Variants in MAGI2 observed in about 807,000 individuals in gnomAD.
The protein encoded by MAGI2 is membrane associated guanylate kinase, WW and PDZ domain containing 2.
In MAGI2, 35 loss-of-function variants were observed where a neutral mutation model predicts 133.3. The observed-to-expected ratio is 0.26, with a 90% CI of 0.20 to 0.35. MAGI2 has a LOEUF of 0.35. Ranked by LOEUF, MAGI2 falls within the 10% of genes least tolerant of loss-of-function variation. MAGI2 has a pLI of 1.00. For synonymous variants in MAGI2, 729 were observed against 710.6 expected, an observed-to-expected ratio of 1.03 and a Z score of -0.41; for missense variants, 1,636 against 1,863.4, an observed-to-expected ratio of 0.88 and a Z score of 2.25.
At chr7:79,072,988 G>C (rs1356997468) in intron 1 of MAGI2, among the ~76,000 whole-genome samples, 1 of 152,006 alleles carries the variant, frequency 6.6e-6, no homozygotes, top group Non-Finnish European at 1.5e-5. Context: ...GTATGCATTT[G>C]ACACAGATTT....
intron 2 of MAGI2, among the ~76,000 whole-genome samples, chr7:78,703,945 T>G (rs1335948658): frequency 6.6e-6 from 1 of 151,848 alleles, no homozygotes; most frequent in Non-Finnish European, 1.5e-5. Context: ...AAGGCTTAAA[T>G]GTAAAACCTG....
At chr7:78,283,935 C>A (rs1306423881) in intron 9 of MAGI2, among the ~76,000 whole-genome samples, 3 of 152,000 alleles carry the variant, frequency 2.0e-5, no homozygotes, top group African/African-American at 7.2e-5. Context: ...AAAAATATTA[C>A]CTTTTCTGCA....
At chr7:78,828,657 C>G (rs1024640674) in intron 2 of MAGI2, among the ~76,000 whole-genome samples, 12 of 152,036 alleles carry the variant, frequency 7.9e-5, no homozygotes, top group Admixed American at 3.3e-4. Context: ...GTTATTGTAT[C>G]AATATTCGTC....
At chr7:78,675,110 A>G (rs2151081846) in intron 2 of MAGI2, among the ~76,000 whole-genome samples, 1 of 152,276 alleles carries the variant, frequency 6.6e-6, no homozygotes, top group East Asian at 1.9e-4. Context: ...AGTTACATTC[A>G]GTATTGCTGG....
chr7:78,586,751 C>G (rs1033805810), intron 3 of MAGI2, among the ~76,000 whole-genome samples: 13 of 152,276 alleles, frequency 8.5e-5, no homozygotes, highest in Middle Eastern at 3.4e-3. Context: ...CCCTGCAGTC[C>G]TCACAACCAC....
At chr7:79,040,961 G>T (rs1375904972) in intron 1 of MAGI2, among the ~76,000 whole-genome samples, 1 of 152,104 alleles carries the variant, frequency 6.6e-6, no homozygotes, top group Non-Finnish European at 1.5e-5. Context: ...ATCAATAATA[G>T]ATTATATATT....
At chr7:78,276,559 A>G (rs1795076403) in intron 9 of MAGI2, among the ~76,000 whole-genome samples, 1 of 152,070 alleles carries the variant, frequency 6.6e-6, no homozygotes, top group Non-Finnish European at 1.5e-5. Context: ...ATTTTCTTAT[A>G]GACTCTTTAC....
At chr7:78,245,371 C>T (rs798356) in intron 10 of MAGI2, among the ~76,000 whole-genome samples, 83,360 of 152,164 alleles carry the variant, frequency 0.55, 25,876 homozygotes, top group African/African-American at 0.84. Context: ...GCTAAAAAAG[C>T]GCCTAGCACA....
At chr7:78,817,533 C>T (rs1161213836) in intron 2 of MAGI2, among the ~76,000 whole-genome samples, 2 of 152,154 alleles carry the variant, frequency 1.3e-5, no homozygotes, top group Non-Finnish European at 2.9e-5. Flanking sequence ...ACTTCAGCAA[C>T]ACCACTCTGA....
At chr7:79,276,340 T>G (rs1234185368) in intron 1 of MAGI2, among the ~76,000 whole-genome samples, 1 of 152,086 alleles carries the variant, frequency 6.6e-6, no homozygotes. Flanking sequence ...GCAAGAAAAC[T>G]AGAATTAGAA....
At chr7:79,093,875 C>A (rs1817298886) in intron 1 of MAGI2, among the ~76,000 whole-genome samples, 1 of 151,830 alleles carries the variant, frequency 6.6e-6, no homozygotes, top group Admixed American at 6.6e-5. Flanking sequence ...CCAACACACC[C>A]AGCTAATTTT....
At chr7:78,025,126 C>T (rs749941537) in intron 21 of MAGI2, among the ~76,000 whole-genome samples, 1 of 152,228 alleles carries the variant, frequency 6.6e-6, no homozygotes, top group Non-Finnish European at 1.5e-5. Context: ...ATTGCCTATT[C>T]TCCACCCACA....
intron 9 of MAGI2, among the ~76,000 whole-genome samples, chr7:78,283,310 T>TA (rs1389038638): frequency 3.9e-5 from 6 of 152,174 alleles, no homozygotes; most frequent in Non-Finnish European, 5.9e-5. Flanking sequence ...GTACATGTTA[T>TA]TCTGTATGAC....
At chr7:78,085,402 A>C (rs1270785704) in intron 20 of MAGI2, among the ~76,000 whole-genome samples, 1 of 151,996 alleles carries the variant, frequency 6.6e-6, no homozygotes, top group African/African-American at 2.4e-5. Context: ...GTGGTGGTGC[A>C]TGCCTAGCTA....
At chr7:78,509,989 C>T (rs1202898947) in intron 4 of MAGI2, among the ~76,000 whole-genome samples, 6 of 152,068 alleles carry the variant, frequency 3.9e-5, no homozygotes, top group African/African-American at 1.4e-4. Context: ...GGCTATGTGA[C>T]AACTTTTAAG....
intron 2 of MAGI2, among the ~76,000 whole-genome samples, chr7:78,666,566 G>C (rs1454170118): frequency 2.0e-5 from 3 of 152,152 alleles, no homozygotes; most frequent in African/African-American, 7.2e-5. Flanking sequence ...AACTTGATTA[G>C]ATTGGCCAAC....
At chr7:78,958,657 G>T (rs1474183021) in intron 2 of MAGI2, among the ~76,000 whole-genome samples, 1 of 152,132 alleles carries the variant, frequency 6.6e-6, no homozygotes, top group Non-Finnish European at 1.5e-5. Context: ...TGCGGTTCAT[G>T]TGTGTCAGAG....
chr7:78,311,511 G>A (rs1398912119), intron 9 of MAGI2, among the ~76,000 whole-genome samples: 1 of 152,056 alleles, frequency 6.6e-6, no homozygotes, highest in Non-Finnish European at 1.5e-5. Context: ...GAAGTAGTAG[G>A]GACAGAATAA....
At chr7:78,341,203 C>A (rs1790337699) in intron 9 of MAGI2, among the ~76,000 whole-genome samples, 2 of 152,118 alleles carry the variant, frequency 1.3e-5, no homozygotes, top group Admixed American at 1.3e-4. Flanking sequence ...AGTGAACTCC[C>A]ATTCAAAACT....
Sources: allele counts gnomAD v4.1 joint callset (sites outside exome capture counted in the v4.1 genomes callset), GRCh38; gene constraint gnomAD v4.1.1; transcripts MANE v1.5; gene names NCBI Gene and HGNC (gene_info 2026-07-23, HGNC 2026-07-21).